Variants in ADAMTSL3 observed in about 807,000 individuals in gnomAD.
ADAMTSL3 encodes ADAMTS like 3, also known as ADAMTS-like protein 3.
A neutral mutation model predicts 201.7 loss-of-function variants in ADAMTSL3; 128 were observed. The ratio of observed to expected loss-of-function variants is 0.63; its 90% CI spans 0.55 to 0.73. The LOEUF is 0.73. ADAMTSL3 is among the 30% of genes least tolerant of loss of function. ADAMTSL3 has a pLI of 0.00. For missense variants in ADAMTSL3, 1,990 were observed against 2,119.6 expected, an observed-to-expected ratio of 0.94 and a Z score of 1.20; for synonymous variants, 738 against 748.4, an observed-to-expected ratio of 0.99 and a Z score of 0.23.
At chr15:83,680,686 T>G (rs1367089549) in intron 2 of ADAMTSL3, among the ~76,000 whole-genome samples, 1 of 152,022 alleles carries the variant, frequency 6.6e-6, no homozygotes, top group Non-Finnish European at 1.5e-5. Context: ...TCCCTAATTC[T>G]CACACTGATC....
At chr15:83,885,614 C>G (rs760491821) in intron 10 of ADAMTSL3, among the ~76,000 whole-genome samples, 5 of 151,994 alleles carry the variant, frequency 3.3e-5, no homozygotes, top group African/African-American at 7.3e-5. Context: ...TGTGTTGGTT[C>G]TAACGTTAGA....
intron 7 of ADAMTSL3, among the ~76,000 whole-genome samples, chr15:83,845,137 G>A (rs553016381): frequency 2.6e-5 from 4 of 152,314 alleles, no homozygotes; most frequent in South Asian, 2.1e-4. Flanking sequence ...CACAAGTGTC[G>A]CCTCCTCAGA....
At chr15:83,810,616 C>T (rs2063678576) in intron 5 of ADAMTSL3, among the ~76,000 whole-genome samples, 1 of 152,220 alleles carries the variant, frequency 6.6e-6, no homozygotes, top group Non-Finnish European at 1.5e-5. Context: ...ATTCTGGAGG[C>T]CTAGGGAAAA....
intron 6 of ADAMTSL3, among the ~76,000 whole-genome samples, chr15:83,821,861 C>T (rs1230731719): frequency 4.0e-5 from 6 of 148,670 alleles, no homozygotes; most frequent in Non-Finnish European, 6.0e-5. Flanking sequence ...GGCGGCTGGC[C>T]GGGCTGGGGG....
At position 83,942,969 on chromosome 15, in the gene ADAMTSL3, G is replaced by A; in HGVS notation, c.2377G>A (p.Gly793Ser). The change falls in exon 19 of 30, where the codon GGC (glycine) becomes AGC (serine). Residue 793 changes from glycine (G) to serine (S), a missense_variant. Physicochemically the swap from Gly to Ser is moderately conservative, Grantham distance 56. Coordinates refer to ENST00000286744, the MANE Select transcript of ADAMTSL3 (RefSeq NM_207517.3). ...CACCTGTCGGCAGCTGCTAACGGAT[G>A]GCAGCTTTTTGAATCTCTCAGATGA... is the stretch of plus-strand genomic sequence containing the variant. ...RVTCRQLLTD[G>S]SFLNLSDELC... 6.2e-7 allele frequency: 1 copy of A among 1,614,056 alleles called. No individual in the cohort carries two copies. Among genetic ancestry groups the A allele is most frequent in the Non-Finnish European group, 8.5e-7 (1 of 1,179,976 alleles).
At chr15:83,837,965 G>A in intron 6 of ADAMTSL3, 124 bp from the exon 7 acceptor site, 1 of 1,156,850 alleles carries the variant, frequency 8.6e-7, no homozygotes, top group Non-Finnish European at 1.2e-6. Context: ...ATAAAACTAT[G>A]TTCTCATAAA....
intron 25 of ADAMTSL3, 140 bp downstream of exon 25, chr15:84,016,639 C>A: frequency 1.4e-6 from 1 of 708,564 alleles, no homozygotes; most frequent in African/African-American, 1.8e-5. Context: ...TTTTCTTGAC[C>A]CTCAGTCTTT....
At chr15:83,857,049 T>G (rs1012425133) in intron 7 of ADAMTSL3, among the ~76,000 whole-genome samples, 16 of 152,154 alleles carry the variant, frequency 1.1e-4, no homozygotes, top group Admixed American at 1.0e-3. Context: ...CTGATTGTGG[T>G]TTTGATTTTC....
At chr15:83,822,195 G>A (rs1340064891) in intron 6 of ADAMTSL3, among the ~76,000 whole-genome samples, 1 of 150,340 alleles carries the variant, frequency 6.7e-6, no homozygotes, top group Non-Finnish European at 1.5e-5. Flanking sequence ...CCTCCCTCCC[G>A]GACGGGGTGG....
At chr15:84,031,594 T>C (rs887349382) in intron 28 of ADAMTSL3, among the ~76,000 whole-genome samples, 162 bp downstream of exon 28, 1 of 152,230 alleles carries the variant, frequency 6.6e-6, no homozygotes, top group African/African-American at 2.4e-5. Context: ...GTATATATTA[T>C]ACTGAAATAC....
At chr15:83,808,669 C>CCTCA (rs1009603933) in intron 5 of ADAMTSL3, among the ~76,000 whole-genome samples, 1 of 152,240 alleles carries the variant, frequency 6.6e-6, no homozygotes, top group Admixed American at 6.5e-5. Flanking sequence ...ACAGAGACAT[C>CCTCA]CTCACTCACG....
At chr15:83,986,374 G>A (rs190066598) in intron 21 of ADAMTSL3, among the ~76,000 whole-genome samples, 5 of 152,188 alleles carry the variant, frequency 3.3e-5, no homozygotes, top group East Asian at 3.9e-4. Flanking sequence ...ATGGAATGGC[G>A]TTAACATAAG....
chr15:83,834,895 A>G (rs1307817058), intron 6 of ADAMTSL3, among the ~76,000 whole-genome samples: 1 of 152,158 alleles, frequency 6.6e-6, no homozygotes, highest in Non-Finnish European at 1.5e-5. Flanking sequence ...ATGACTTCAG[A>G]TGATGTCATA....
intron 25 of ADAMTSL3, 41 bp downstream of exon 25, chr15:84,016,540 C>A: frequency 2.0e-6 from 3 of 1,485,602 alleles, no homozygotes; most frequent in Non-Finnish European, 2.8e-6. Context: ...ATGTGTGAGG[C>A]ATGTGTAAGG....
intron 23 of ADAMTSL3, among the ~76,000 whole-genome samples, chr15:84,013,733 A>G (rs987261530): frequency 2.6e-5 from 4 of 152,198 alleles, no homozygotes; most frequent in Non-Finnish European, 5.9e-5. Flanking sequence ...GTGCCACTGC[A>G]CTCCAGGCTA....
In ADAMTSL3 at chr15:83,988,808, G is replaced by T. The variant is rs200282117; in HGVS notation, c.3834G>T (p.Val1278=). ...GTTCAGATGTGGAAAGTTCTTCTGT[G>T]CTGTATGCAGGTAATGCCCACTGTT... ...HLGSDVESSS[V]LYAEAPVILS... Residue 1278 remains valine (V), a synonymous_variant, in exon 22 of 30, where the codon GTG becomes GTT. Coordinates refer to ENST00000286744, the MANE Select transcript of ADAMTSL3 (RefSeq NM_207517.3). 1 of 1,577,348 alleles carries T rather than the reference G, an allele frequency of 6.3e-7. No homozygotes were observed. Among genetic ancestry groups the T allele is most frequent in the East Asian group, 2.3e-5 (1 of 44,178 alleles).
At chr15:83,830,672 A>G (rs1297434593) in intron 6 of ADAMTSL3, among the ~76,000 whole-genome samples, 5 of 152,178 alleles carry the variant, frequency 3.3e-5, no homozygotes, top group Non-Finnish European at 7.3e-5. Context: ...GCTTAAAACA[A>G]CAGAAGTTTA....
chr15:83,751,132 A>G (rs1181557911), intron 3 of ADAMTSL3, among the ~76,000 whole-genome samples: 2 of 152,146 alleles, frequency 1.3e-5, no homozygotes, highest in Non-Finnish European at 2.9e-5. Context: ...TTGTTCTGTA[A>G]TTACAGACTG....
At chr15:83,701,235 A>G (rs77933778) in intron 2 of ADAMTSL3, among the ~76,000 whole-genome samples, 2,235 of 152,296 alleles carry the variant, frequency 0.015, 30 homozygotes, top group Non-Finnish European at 0.024. Flanking sequence ...TAAGCTCTGC[A>G]GATTCTATCT....
Sources: gnomAD v4.1 joint callset for allele counts (sites outside exome capture counted in the v4.1 genomes callset) on GRCh38, gnomAD v4.1.1 for gene constraint, MANE v1.5 for transcripts, NCBI Gene and HGNC (gene_info 2026-07-23, HGNC 2026-07-21) for gene names.